Variants in MICU1 observed in about 807,000 individuals in gnomAD.
MICU1 encodes the protein mitochondrial calcium uptake 1, also known as calcium uptake protein 1, mitochondrial.
A neutral mutation model predicts 56.8 loss-of-function variants in MICU1; 45 were observed. That is an observed-to-expected ratio of 0.79 (90% CI 0.62 to 1.02). The LOEUF is 1.02. MICU1 is among the 50% of genes least tolerant of loss of function. The pLI is 0.00. For synonymous variants in MICU1, 186 were observed against 195.1 expected, an observed-to-expected ratio of 0.95 and a Z score of 0.39; for missense variants, 504 against 587.1, an observed-to-expected ratio of 0.86 and a Z score of 1.46.
At chr10:72,526,164 A>C (rs115354552) in intron 5 of MICU1, among the ~76,000 whole-genome samples, 3,098 of 152,318 alleles carry the variant, frequency 0.02, 98 homozygotes, top group African/African-American at 0.071. Flanking sequence ...ATGTTTTAAA[A>C]ATAATTTAAA....
At chr10:72,566,843 T>C in intron 1 of MICU1, 49 bp from the exon 2 acceptor site, 1 of 1,437,138 alleles carries the variant, frequency 7.0e-7, no homozygotes, top group Non-Finnish European at 9.5e-7. Context: ...GTAGTTATGA[T>C]GATGATGATG....
chr10:72,446,549 G>A (rs1241129605), intron 8 of MICU1, among the ~76,000 whole-genome samples: 1 of 151,944 alleles, frequency 6.6e-6, no homozygotes, highest in East Asian at 1.9e-4. Context: ...GGCTGCTCTC[G>A]AACTCCTGAC....
chr10:72,546,069 T>A (rs1839886447), intron 4 of MICU1, among the ~76,000 whole-genome samples: 1 of 152,184 alleles, frequency 6.6e-6, no homozygotes, highest in African/African-American at 2.4e-5. Flanking sequence ...ATCTTTGGAA[T>A]CCCTTTGGCT....
At chr10:72,478,625 G>A (rs974983857) in intron 6 of MICU1, among the ~76,000 whole-genome samples, 1 of 152,178 alleles carries the variant, frequency 6.6e-6, no homozygotes, top group African/African-American at 2.4e-5. Flanking sequence ...TGTTAGAGAG[G>A]CCATATTCCC....
chr10:72,533,727 A>G lies in MICU1; in HGVS notation c.537+19T>C, dbSNP rs764533604. On this transcript the variant is annotated intron_variant, in intron 5 of 11. Coordinates refer to ENST00000361114, the MANE Select transcript of MICU1 (RefSeq NM_001195518.2). ...GTAAATGATAGGATATATGTATAGA[A>G]GTGTCATAGTTTGCTCACCTTTCCA... 1.3e-6 allele frequency: 2 copies of G among 1,567,136 alleles called. No individual in the cohort carries two copies. Among genetic ancestry groups the G allele is most frequent in the Non-Finnish European group, 1.7e-6 (2 of 1,143,032 alleles).
chr10:72,615,186 T>C (rs1282001906), intron 1 of MICU1, among the ~76,000 whole-genome samples: 1 of 152,172 alleles, frequency 6.6e-6, no homozygotes, highest in Non-Finnish European at 1.5e-5. Context: ...GGCATGATCT[T>C]GGCTCACCGC....
chr10:72,423,276 G>A lies in MICU1; in HGVS notation c.1029C>T (p.Thr343=), dbSNP rs186054834. Residue 343 remains threonine (T), a synonymous_variant, in exon 9 of 12, where the codon ACC becomes ACT. Transcript: ENST00000361114. The part of the protein sequence containing the change: ...AYSGVQSKKL[T]AMQRQLKKHF... ...GCTTCTTGAGCTGCCTCTGCATGGCGGTCAGCTTCTTGGACTGCACCCCAC... is the reference window on the plus strand; with the variant it reads ...GCTTCTTGAGCTGCCTCTGCATGGCAGTCAGCTTCTTGGACTGCACCCCAC... 1.0e-4 allele frequency: 164 copies of A among 1,613,828 alleles called. No homozygotes were observed. The African/African-American group carries it at 1.7e-3, about 17-fold the overall frequency.
intron 8 of MICU1, among the ~76,000 whole-genome samples, chr10:72,456,847 TTTTG>T (rs1865473952): frequency 2.0e-5 from 2 of 100,724 alleles, no homozygotes. Flanking sequence ...GCCGGGCTCA[TTTTG>T]TGTGTGTGTG....
At chr10:72,531,614 A>G (rs1389630984) in intron 5 of MICU1, 9 of 152,124 alleles carry the variant, frequency 5.9e-5, no homozygotes, top group Admixed American at 5.9e-4. Context: ...GCTACTTAAG[A>G]GGCTGAGGCA....
intron 4 of MICU1, among the ~76,000 whole-genome samples, chr10:72,545,203 C>T (rs1421604935): frequency 3.3e-5 from 5 of 152,034 alleles, no homozygotes; most frequent in South Asian, 2.1e-4. Flanking sequence ...CAAATGAAAA[C>T]GAAGCCAAAT....
chr10:72,472,210 T>C (rs78189887), intron 8 of MICU1, among the ~76,000 whole-genome samples: 2,326 of 152,290 alleles, frequency 0.015, 47 homozygotes, highest in African/African-American at 0.05. Flanking sequence ...ACAAGAGTAC[T>C]GTGGTTATTC....
chr10:72,620,937 G>T (rs1028787399), intron 1 of MICU1, among the ~76,000 whole-genome samples: 3 of 152,022 alleles, frequency 2.0e-5, no homozygotes, highest in African/African-American at 7.3e-5. Context: ...CTTAAAGCAT[G>T]ATTGGCCAGG....
intron 1 of MICU1, among the ~76,000 whole-genome samples, chr10:72,595,340 T>C (rs568878403): frequency 8.0e-5 from 12 of 150,092 alleles, no homozygotes; most frequent in African/African-American, 2.9e-4. Flanking sequence ...AAGTCCCAGC[T>C]ACTCTGGAGA....
chr10:72,412,631 A>G (rs1413016038), intron 9 of MICU1, among the ~76,000 whole-genome samples: 1 of 151,998 alleles, frequency 6.6e-6, no homozygotes, highest in Non-Finnish European at 1.5e-5. Flanking sequence ...CGGCTCGATC[A>G]CCTGAGGTCA....
At chr10:72,368,745 G>A (rs1862230570) in intron 11 of MICU1, among the ~76,000 whole-genome samples, 1 of 152,130 alleles carries the variant, frequency 6.6e-6, no homozygotes, top group South Asian at 2.1e-4. Context: ...CTCCCACCCT[G>A]GCTGAGGGTA....
chr10:72,527,193 GT>G lies in MICU1; in HGVS notation c.537+6552del, dbSNP rs34565195. 3.1e-3 allele frequency among the ~76,000 whole-genome samples: 465 copies of G among 150,950 alleles called. 3 individuals are homozygous for G. The highest frequency in any genetic ancestry group is 0.01 in the African/African-American group (424 of 41,164). On this transcript the variant is annotated intron_variant, in intron 5 of 11. Coordinates refer to ENST00000361114, the MANE Select transcript of MICU1 (RefSeq NM_001195518.2). Reference sequence around the variant, plus strand: ...TTAGCAAAAAGAAACAAACATCAAGGTTTTTTTTTGAGCAAACAGTATTAAG... The same window carrying G: ...TTAGCAAAAAGAAACAAACATCAAGGTTTTTTTTGAGCAAACAGTATTAAG...
At chr10:72,612,346 C>G (rs535892870) in intron 1 of MICU1, among the ~76,000 whole-genome samples, 2 of 151,922 alleles carry the variant, frequency 1.3e-5, no homozygotes, top group Non-Finnish European at 2.9e-5. Flanking sequence ...AGGAGCTGAC[C>G]AGACTTTAAT....
chr10:72,434,780 C>G (rs181559511), intron 8 of MICU1, among the ~76,000 whole-genome samples: 1 of 152,328 alleles, frequency 6.6e-6, no homozygotes, highest in East Asian at 1.9e-4. Context: ...ACTCTGGGAT[C>G]TACTGCTTAG....
At chr10:72,476,316 A>G (rs542283738) in intron 7 of MICU1, among the ~76,000 whole-genome samples, 3 of 151,904 alleles carry the variant, frequency 2.0e-5, no homozygotes, top group Non-Finnish European at 4.4e-5. Context: ...GCAACTTCAA[A>G]ATCCTGTGCT....
Sources: gnomAD v4.1 joint callset for allele counts (sites outside exome capture counted in the v4.1 genomes callset) on GRCh38, gnomAD v4.1.1 for gene constraint, MANE v1.5 for transcripts, NCBI Gene and HGNC (gene_info 2026-07-23, HGNC 2026-07-21) for gene names.